The following TENM2 variants were observed in gnomAD, a reference collection of about 807,000 sequenced individuals.
The protein encoded by TENM2 is teneurin-2.
TENM2 carries 52 observed loss-of-function variants against 245.2 expected under a neutral mutation model. That is an observed-to-expected ratio of 0.21 (90% CI 0.17 to 0.27). The LOEUF (loss-of-function observed/expected upper bound fraction) is 0.27. TENM2 is among the 10% of genes least tolerant of loss of function. The pLI is 1.00. For synonymous variants in TENM2, 1,363 were observed against 1,438.9 expected, an observed-to-expected ratio of 0.95 and a Z score of 1.19; for missense variants, 3,046 against 3,666.8, an observed-to-expected ratio of 0.83 and a Z score of 4.37.
intron 2 of TENM2, among the ~76,000 whole-genome samples, chr5:167,824,781 G>A (rs1371932200): frequency 6.6e-6 from 1 of 152,148 alleles, no homozygotes; most frequent in East Asian, 1.9e-4. Flanking sequence ...CAACAGTATG[G>A]TTTATGTGAA....
intron 3 of TENM2, among the ~76,000 whole-genome samples, chr5:167,885,850 A>C (rs1047439994): frequency 2.0e-5 from 3 of 152,036 alleles, no homozygotes; most frequent in African/African-American, 7.2e-5. Flanking sequence ...CGCCCAGCTA[A>C]TTTTTGCATT....
intron 2 of TENM2, among the ~76,000 whole-genome samples, chr5:167,589,376 G>A (rs1005783625): frequency 3.3e-5 from 5 of 151,902 alleles, no homozygotes; most frequent in African/African-American, 1.2e-4. Context: ...AAAGAAATTG[G>A]ACTCTGCATA....
chr5:167,249,445 C>T, the TENM2 span, among the ~76,000 whole-genome samples: 1 of 152,034 alleles, frequency 6.6e-6, no homozygotes, highest in Non-Finnish European at 1.5e-5. Context: ...TTCCTTCTTT[C>T]CTTCCTTCTT....
intron 2 of TENM2, among the ~76,000 whole-genome samples, chr5:167,462,261 A>T (rs1766362123): frequency 7.5e-6 from 1 of 133,808 alleles, no homozygotes; most frequent in African/African-American, 2.8e-5. Flanking sequence ...CCCTTACAGG[A>T]GGGGGAGCAT....
At chr5:168,250,693 C>G (rs142244997) in intron 27 of TENM2, among the ~76,000 whole-genome samples, 1 of 152,170 alleles carries the variant, frequency 6.6e-6, no homozygotes, top group Non-Finnish European at 1.5e-5. Flanking sequence ...CTTTCGGACC[C>G]GGAAGTTATG....
intron 2 of TENM2, among the ~76,000 whole-genome samples, chr5:167,708,488 C>G (rs1758687290): frequency 6.6e-6 from 1 of 152,158 alleles, no homozygotes; most frequent in Non-Finnish European, 1.5e-5. Context: ...GGCCATATTC[C>G]TGAGTTCTAG....
At chr5:167,573,307 A>C (rs1157923900) in intron 2 of TENM2, among the ~76,000 whole-genome samples, 1 of 152,184 alleles carries the variant, frequency 6.6e-6, no homozygotes, top group East Asian at 1.9e-4. Flanking sequence ...GTTAAATGCC[A>C]ATCAGACAAA....
the TENM2 span, among the ~76,000 whole-genome samples, chr5:167,204,622 C>T: frequency 6.6e-6 from 1 of 152,206 alleles, no homozygotes; most frequent in Non-Finnish European, 1.5e-5. Flanking sequence ...TGGTCGAATT[C>T]ACTGTGATGC....
rs954067572 is a variant in TENM2, at chr5:167,353,312, CTG to C, written c.227-21884_227-21883del. Among the ~76,000 whole-genome samples, 21 of 132,708 alleles carry C rather than the reference CTG, an allele frequency of 1.6e-4. No homozygotes were observed. In the Admixed American group the frequency reaches 1.8e-3, roughly 11 times the overall value. The allele number at this position is 132,708 out of a possible 152,430, so 87.1% of individuals were successfully genotyped here. A position where few individuals can be genotyped will look rare whatever the true frequency, so the allele number is the denominator to read the frequency against. On this transcript the variant is annotated intron_variant, in intron 1 of 28. Coordinates refer to ENST00000518659, the Ensembl canonical transcript of TENM2. Reference sequence around the variant, plus strand: ...TTGGTGTAACACAGGAAACTTGACTCTGTAATGTGCAGGGGGGTGGTGGGGGT... The same window carrying C: ...TTGGTGTAACACAGGAAACTTGACTCTAATGTGCAGGGGGGTGGTGGGGGT...
intron 2 of TENM2, among the ~76,000 whole-genome samples, chr5:167,670,375 A>G (rs1477559860): frequency 6.6e-6 from 1 of 152,160 alleles, no homozygotes; most frequent in East Asian, 1.9e-4. Context: ...ATGTGATCCA[A>G]TGTCAATGAA....
At chr5:168,093,896 T>C (rs1474223812) in intron 8 of TENM2, among the ~76,000 whole-genome samples, 1 of 149,068 alleles carries the variant, frequency 6.7e-6, no homozygotes, top group African/African-American at 2.5e-5. Flanking sequence ...GAAAATACTT[T>C]AAATATGAGT....
intron 2 of TENM2, among the ~76,000 whole-genome samples, chr5:167,835,978 T>C (rs1295468915): frequency 1.3e-5 from 2 of 152,178 alleles, no homozygotes; most frequent in African/African-American, 4.8e-5. Context: ...AAAATACACA[T>C]CCACATTGTT....
At chr5:167,092,053 G>A in the TENM2 span, among the ~76,000 whole-genome samples, 2 of 152,138 alleles carry the variant, frequency 1.3e-5, no homozygotes, top group Admixed American at 1.3e-4. Flanking sequence ...CCACATACAG[G>A]ATTCATCTTT....
At chr5:167,104,212 A>G in the TENM2 span, among the ~76,000 whole-genome samples, 17 of 151,956 alleles carry the variant, frequency 1.1e-4, no homozygotes, top group South Asian at 2.1e-3. Context: ...TGAGACTTTT[A>G]CAGTGCTTGC....
intron 1 of TENM2, among the ~76,000 whole-genome samples, chr5:167,331,570 C>A (rs1757462988): frequency 6.6e-6 from 1 of 152,148 alleles, no homozygotes; most frequent in South Asian, 2.1e-4. Context: ...TTAAGATAAT[C>A]AAAAACTAGA....
At chr5:168,139,988 G>T (rs1755395178) in intron 12 of TENM2, among the ~76,000 whole-genome samples, 1 of 152,192 alleles carries the variant, frequency 6.6e-6, no homozygotes, top group South Asian at 2.1e-4. Flanking sequence ...GGGCCAAATG[G>T]ACCACCCATC....
At chr5:167,318,442 T>A (rs894455974) in intron 1 of TENM2, among the ~76,000 whole-genome samples, 3 of 151,978 alleles carry the variant, frequency 2.0e-5, no homozygotes, top group Non-Finnish European at 2.9e-5. Context: ...TTTTTTTTTT[T>A]ACACAATTAC....
At chr5:167,437,717 C>A (rs1390630275) in intron 2 of TENM2, among the ~76,000 whole-genome samples, 1 of 151,946 alleles carries the variant, frequency 6.6e-6, no homozygotes, top group East Asian at 1.9e-4. Flanking sequence ...TCTTTCCTGC[C>A]CTGTTCTTGT....
intron 7 of TENM2, among the ~76,000 whole-genome samples, chr5:168,063,745 A>G (rs1389896554): frequency 6.6e-6 from 1 of 152,176 alleles, no homozygotes; most frequent in Non-Finnish European, 1.5e-5. Flanking sequence ...CCTCCCATAT[A>G]ACTCTTAAGG....
Sources: gnomAD v4.1 joint callset for allele counts (sites outside exome capture counted in the v4.1 genomes callset) on GRCh38, gnomAD v4.1.1 for gene constraint, MANE v1.5 for transcripts, NCBI Gene and HGNC (gene_info 2026-07-23, HGNC 2026-07-21) for gene names.